Variants in FTO observed in about 807,000 individuals in gnomAD.
The protein encoded by FTO is alpha-ketoglutarate-dependent dioxygenase FTO.
A neutral mutation model predicts 63.9 loss-of-function variants in FTO; 47 were observed. The ratio of observed to expected loss-of-function variants is 0.74; its 90% CI spans 0.58 to 0.94. FTO has a LOEUF of 0.94. Among genes scored for constraint, FTO ranks in the 40% least tolerant of loss-of-function variants. The pLI is 0.00. For missense variants in FTO, 562 were observed against 618.1 expected (o/e 0.91, Z 0.96); for synonymous variants, 207 against 224.4 (o/e 0.92, Z 0.69).
intron 1 of FTO, among the ~76,000 whole-genome samples, chr16:53,751,390 G>A (rs935366501): frequency 6.6e-6 from 1 of 152,012 alleles, no homozygotes; most frequent in Non-Finnish European, 1.5e-5. Context: ...CCCGGGAGGC[G>A]AAGCTTGCAG....
At chr16:53,809,036 G>T (rs1368630539) in intron 1 of FTO, among the ~76,000 whole-genome samples, 1 of 152,158 alleles carries the variant, frequency 6.6e-6, no homozygotes, top group South Asian at 2.1e-4. Context: ...TGTAAGGTCA[G>T]ATATTCTTTG....
At chr16:54,005,541 C>T (rs1368994989) in intron 8 of FTO, among the ~76,000 whole-genome samples, 1 of 151,810 alleles carries the variant, frequency 6.6e-6, no homozygotes, top group African/African-American at 2.4e-5. Context: ...TCATTTAAAC[C>T]TCACGAGAGT....
intron 8 of FTO, among the ~76,000 whole-genome samples, chr16:53,936,553 T>TA (rs1299079077): frequency 6.6e-6 from 1 of 152,210 alleles, no homozygotes; most frequent in Admixed American, 6.5e-5. Flanking sequence ...GTGAAAGTTA[T>TA]AAAACATCCA....
intron 1 of FTO, among the ~76,000 whole-genome samples, chr16:53,720,682 A>C (rs2151487767): frequency 1.3e-5 from 2 of 148,654 alleles, no homozygotes; most frequent in Middle Eastern, 7.2e-3. Flanking sequence ...AAAGATATAT[A>C]TATATCTGTG....
At chr16:53,925,237 C>G (rs1235202727) in intron 7 of FTO, among the ~76,000 whole-genome samples, 1 of 152,010 alleles carries the variant, frequency 6.6e-6, no homozygotes, top group East Asian at 1.9e-4. Flanking sequence ...ACCTTTAGCC[C>G]TCATTATCAG....
At chr16:53,936,198 A>C (rs1315499112) in intron 8 of FTO, among the ~76,000 whole-genome samples, 1 of 152,262 alleles carries the variant, frequency 6.6e-6, no homozygotes, top group Non-Finnish European at 1.5e-5. Context: ...AACTGAAACA[A>C]AAATTCTCAA....
chr16:53,865,711 C>T (rs947988151), intron 4 of FTO, among the ~76,000 whole-genome samples: 6 of 152,186 alleles, frequency 3.9e-5, no homozygotes, highest in African/African-American at 1.4e-4. Context: ...CTTACTGCAA[C>T]AGCTTCCTGA....
intron 8 of FTO, among the ~76,000 whole-genome samples, chr16:53,941,405 G>A (rs2082525826): frequency 6.6e-6 from 1 of 152,178 alleles, no homozygotes. Context: ...TCTGCCCTAA[G>A]GGAACTTATA....
chr16:54,050,001 G>A (rs1369954240), intron 8 of FTO, among the ~76,000 whole-genome samples: 2 of 152,076 alleles, frequency 1.3e-5, no homozygotes, highest in South Asian at 2.1e-4. Context: ...ACAGGATCCC[G>A]GCCCTTTTCA....
chr16:53,808,621 G>C (rs1178126644), intron 1 of FTO, among the ~76,000 whole-genome samples: 1 of 152,130 alleles, frequency 6.6e-6, no homozygotes, highest in African/African-American at 2.4e-5. Context: ...GTTTGTGAGA[G>C]AAGGCTGCTA....
At chr16:53,987,539 C>T (rs866138925) in intron 8 of FTO, among the ~76,000 whole-genome samples, 48 of 149,062 alleles carry the variant, frequency 3.2e-4, no homozygotes, top group African/African-American at 1.1e-3. Flanking sequence ...ACCGAGATTG[C>T]GCCACTGCAC....
intron 1 of FTO, among the ~76,000 whole-genome samples, chr16:53,737,575 G>A (rs2076417798): frequency 7.9e-5 from 12 of 152,174 alleles, no homozygotes; most frequent in Admixed American, 7.2e-4. Context: ...AAGTACTGTT[G>A]TATATGCGGT....
intron 1 of FTO, among the ~76,000 whole-genome samples, chr16:53,725,153 G>T (rs1200894050): frequency 6.6e-6 from 1 of 152,120 alleles, no homozygotes; most frequent in South Asian, 2.1e-4. Flanking sequence ...GTGTCTGAAG[G>T]AGAACTTTCT....
intron 4 of FTO, among the ~76,000 whole-genome samples, chr16:53,860,053 A>G (rs532016297): frequency 1.3e-5 from 2 of 152,350 alleles, no homozygotes; most frequent in African/African-American, 4.8e-5. Context: ...CTGTTAACAG[A>G]TGATTGAATA....
chr16:53,723,324 G>T (rs2076083458), intron 1 of FTO, among the ~76,000 whole-genome samples: 1 of 152,152 alleles, frequency 6.6e-6, no homozygotes, highest in Non-Finnish European at 1.5e-5. Context: ...GATATAGTAT[G>T]CTGAAAACTA....
chr16:53,796,679 G>A (rs1173001579), intron 1 of FTO, among the ~76,000 whole-genome samples: 1 of 152,118 alleles, frequency 6.6e-6, no homozygotes, highest in Non-Finnish European at 1.5e-5. Context: ...AACAATGAAC[G>A]AAATTGAATG....
At chr16:54,001,754 G>T (rs2084073857) in intron 8 of FTO, among the ~76,000 whole-genome samples, 1 of 152,100 alleles carries the variant, frequency 6.6e-6, no homozygotes, top group South Asian at 2.1e-4. Flanking sequence ...CTCTGAAATG[G>T]TCAGAATGGA....
At chr16:54,053,751 C>A (rs2085365083) in intron 8 of FTO, among the ~76,000 whole-genome samples, 1 of 152,172 alleles carries the variant, frequency 6.6e-6, no homozygotes, top group African/African-American at 2.4e-5. Flanking sequence ...CCTTACATCC[C>A]TCCCCTGCCC....
chr16:53,997,492 G>A (rs1030210015), intron 8 of FTO, among the ~76,000 whole-genome samples: 1 of 148,730 alleles, frequency 6.7e-6, no homozygotes, highest in African/African-American at 2.5e-5. Context: ...AATGTTTCCT[G>A]GCAGAAATAA....
Sources: gnomAD v4.1 joint callset for allele counts (sites outside exome capture counted in the v4.1 genomes callset) on GRCh38, gnomAD v4.1.1 for gene constraint, MANE v1.5 for transcripts, NCBI Gene and HGNC (gene_info 2026-07-23, HGNC 2026-07-21) for gene names.